Variants in TBX5 observed in about 807,000 individuals in gnomAD.
TBX5 encodes the protein T-box transcription factor 5.
TBX5 carries 8 observed loss-of-function variants against 51.1 expected under a neutral mutation model. That is an observed-to-expected ratio of 0.16 (90% confidence interval 0.09 to 0.28). The LOEUF (loss-of-function observed/expected upper bound fraction) is 0.28. Ranked by LOEUF, TBX5 falls within the 10% of genes least tolerant of loss-of-function variation. TBX5 has a pLI of 1.00. For synonymous variants in TBX5, 302 were observed against 266.4 expected, an observed-to-expected ratio of 1.13 and a Z score of -1.30; for missense variants, 589 against 671.7, an observed-to-expected ratio of 0.88 and a Z score of 1.36.
chr12:114,375,950 T>C (rs1489914979), intron 7 of TBX5, among the ~76,000 whole-genome samples: 1 of 151,786 alleles, frequency 6.6e-6, no homozygotes, highest in Non-Finnish European at 1.5e-5. Flanking sequence ...ATGGCTGAGG[T>C]GGGAGGATTG....
chr12:114,380,464 C>A (rs1012372758), intron 7 of TBX5, among the ~76,000 whole-genome samples: 1 of 152,172 alleles, frequency 6.6e-6, no homozygotes, highest in Admixed American at 6.5e-5. Flanking sequence ...TAACTCCCCT[C>A]CCTTCCTTGC....
chr12:114,380,907 G>T (rs1293778646), intron 7 of TBX5, among the ~76,000 whole-genome samples: 1 of 151,554 alleles, frequency 6.6e-6, no homozygotes. Flanking sequence ...GGAAATATTA[G>T]TTTTTAGGAT....
intron 7 of TBX5, among the ~76,000 whole-genome samples, chr12:114,370,661 C>CTA (rs1555224322): frequency 6.7e-4 from 90 of 134,082 alleles, no homozygotes; most frequent in African/African-American, 2.0e-3. Context: ...CTCTCTCTCT[C>CTA]TCTATCTATC....
intron 6 of TBX5, among the ~76,000 whole-genome samples, chr12:114,392,470 T>A (rs1871210635): frequency 1.3e-5 from 2 of 152,114 alleles, no homozygotes; most frequent in African/African-American, 4.8e-5. Context: ...TTTTCCCACA[T>A]CTATCCACAC....
Position 114,385,514 on chromosome 12 carries a change from A to G in TBX5, c.717T>C (p.Ser239=), listed in dbSNP as rs1210690492. ...ACATTCTGTGCAGCTCCATGTCATC[A>G]CTGCCCCGAAATCCTTTGGCAAAGG... ...NNPFAKGFRG[S]DDMELHRMSR... is the part of the protein sequence containing the mutation. Residue 239 remains serine, a synonymous_variant, in exon 7 of 9, where the codon AGT becomes AGC. Transcript: ENST00000405440. 4 of 1,614,070 alleles carry G rather than the reference A, an allele frequency of 2.5e-6. No individual in the cohort carries two copies. Among genetic ancestry groups the G allele is most frequent in the Admixed American group, 3.3e-5 (2 of 60,000 alleles).
rs768831392 is a variant in TBX5, at chr12:114,366,061, A to G, written c.982+104T>C. 3.2e-6 allele frequency: 4 copies of G among 1,234,556 alleles called. No homozygotes were observed. The African/African-American group carries it at 4.5e-5, about 14-fold the overall frequency. 76.5% of individuals were successfully genotyped at this position (1,234,556 alleles called of 1,614,324 possible). A position where few individuals can be genotyped will look rare whatever the true frequency, so the allele number is the denominator to read the frequency against. ...ATTTTTGTGTTGTTTACATTTTTAA[A>G]TAAATAAAGTAAATAAATGAATACT... On this transcript the variant is annotated intron_variant, in intron 8 of 8. Coordinates refer to ENST00000405440, the MANE Select transcript of TBX5 (RefSeq NM_181486.4).
chr12:114,405,752 A>G lies in TBX5; in HGVS notation c.-163T>C. ...ATGCGGGGTTTACTGCTTACCCAGAATAGCGGCTACTGCTGCCTACTAGGG... is the reference window on the plus strand; with the variant it reads ...ATGCGGGGTTTACTGCTTACCCAGAGTAGCGGCTACTGCTGCCTACTAGGG... On this transcript the variant is annotated 5_prime_UTR_variant, in exon 1 of 9. Coordinates refer to ENST00000405440, the MANE Select transcript of TBX5 (RefSeq NM_181486.4). The G allele has an allele frequency of 1.0e-6, 1 of 985,514 alleles. No homozygotes were observed. Among genetic ancestry groups the G allele is most frequent in the Non-Finnish European group, 1.2e-6 (1 of 830,012 alleles). 61.0% of individuals were successfully genotyped at this position (985,514 alleles called of 1,614,324 possible).
chr12:114,384,745 A>ACACACACAACAC (rs10629159), intron 7 of TBX5, among the ~76,000 whole-genome samples: 2,277 of 115,134 alleles, frequency 0.02, 23 homozygotes, highest in Non-Finnish European at 0.027. Flanking sequence ...ACACACACAC[A>ACACACACAACAC]ACACACACAC....
rs752033521 is a variant in TBX5, at chr12:114,401,852, C to T, written c.216G>A (p.Thr72=). 24 of 1,614,072 alleles carry T rather than the reference C, an allele frequency of 1.5e-5. No homozygotes were observed. In the African/African-American group the frequency reaches 2.0e-4, roughly 13 times the overall value. The part of the protein sequence containing the change: ...ELWLKFHEVG[T]EMIITKAGRR... ...TTCCAGCCTTGGTTATGATCATTTC[C>T]GTGCCCACTTCGTGGAATTTTAGCC... Residue 72 remains threonine (T), a synonymous_variant, in exon 3 of 9, where the codon ACG becomes ACA. Coordinates refer to ENST00000405440, the MANE Select transcript of TBX5 (RefSeq NM_181486.4).
chr12:114,366,078 A>T (rs1869512816), intron 8 of TBX5, 87 bp downstream of exon 8: 1 of 1,321,270 alleles, frequency 7.6e-7, no homozygotes, highest in Admixed American at 1.7e-5. Context: ...AAGTAAATAA[A>T]TGAATACTCC....
At chr12:114,404,322 AAAAAC>A (rs1021839753) in intron 1 of TBX5, among the ~76,000 whole-genome samples, 1 of 152,140 alleles carries the variant, frequency 6.6e-6, no homozygotes, top group African/African-American at 2.4e-5. Context: ...GGTAGGAACC[AAAAAC>A]AAAACAAAAC....
intron 7 of TBX5, among the ~76,000 whole-genome samples, chr12:114,376,055 A>G (rs978221811): frequency 6.6e-6 from 1 of 152,124 alleles, no homozygotes; most frequent in African/African-American, 2.4e-5. Flanking sequence ...AAAACAAAAC[A>G]ATATATAAAT....
chr12:114,359,878 A>G lies in TBX5; in HGVS notation c.983-3772T>C, dbSNP rs181630977. 6.2e-3 allele frequency among the ~76,000 whole-genome samples: 943 copies of G among 152,350 alleles called. 26 individuals carry two copies. The highest frequency in any genetic ancestry group is 6.6e-3 in the East Asian group (34 of 5,184). On this transcript the variant is annotated intron_variant, in intron 8 of 8. Coordinates refer to ENST00000405440, the MANE Select transcript of TBX5 (RefSeq NM_181486.4). ...AGTTGAGTTTTTATCTTCCTTGCAC[A>G]TAAAGCATTCAAATCTTGTCTGTCC...
At chr12:114,359,635 C>A (rs1218067442) in intron 8 of TBX5, among the ~76,000 whole-genome samples, 1 of 152,080 alleles carries the variant, frequency 6.6e-6, no homozygotes, top group East Asian at 1.9e-4. Context: ...TGTAGAAAAC[C>A]CTAGTACTTT....
chr12:114,390,138 A>G (rs562817552), intron 6 of TBX5, among the ~76,000 whole-genome samples: 1 of 152,358 alleles, frequency 6.6e-6, no homozygotes, highest in East Asian at 1.9e-4. Flanking sequence ...TCACTTAGGT[A>G]TGTTGATCTT....
rs1297744591 is a variant in TBX5 at position 114,356,024 on chromosome 12, G to A, written c.1065C>T (p.Arg355=). The A allele has an allele frequency of 6.2e-7, 1 of 1,614,048 alleles. No homozygotes were observed. Among genetic ancestry groups the A allele is most frequent in the African/African-American group, 1.3e-5 (1 of 74,944 alleles). The change falls in exon 9 of 9, where the codon CGC becomes CGT. Residue 355 remains arginine, a synonymous_variant. Transcript: ENST00000405440. ...TSPSEEDSFY[R]SSYPQQQGLG... The stretch of plus-strand genomic sequence containing the variant: ...GGCCCTGCTGCTGTGGATAGCTAGA[G>A]CGGTAGAAGGAATCTTCTTCACTGG...
intron 8 of TBX5, among the ~76,000 whole-genome samples, chr12:114,360,681 T>C (rs1423326133): frequency 1.5e-5 from 2 of 132,210 alleles, no homozygotes; most frequent in African/African-American, 5.9e-5. Flanking sequence ...GATAGATAGA[T>C]GAGTGATGGA....
At chr12:114,367,119 A>G (rs944999779) in intron 7 of TBX5, among the ~76,000 whole-genome samples, 3 of 152,224 alleles carry the variant, frequency 2.0e-5, no homozygotes, top group Non-Finnish European at 4.4e-5. Context: ...AATGGCAACC[A>G]TCGTCATTAC....
At chr12:114,362,942 G>A (rs530799209) in intron 8 of TBX5, among the ~76,000 whole-genome samples, 2 of 152,300 alleles carry the variant, frequency 1.3e-5, no homozygotes, top group Non-Finnish European at 2.9e-5. Context: ...GAGATTACAG[G>A]TGTGAGCCAC....
Sources: gnomAD v4.1 joint callset for allele counts (sites outside exome capture counted in the v4.1 genomes callset) on GRCh38, gnomAD v4.1.1 for gene constraint, MANE v1.5 for transcripts, NCBI Gene and HGNC (gene_info 2026-07-23, HGNC 2026-07-21) for gene names.